Variants in UBA6 observed in about 807,000 individuals in gnomAD.
The protein encoded by UBA6 is ubiquitin-like modifier-activating enzyme 6.
In UBA6, 87 loss-of-function variants were observed where a neutral mutation model predicts 148.3. The observed-to-expected ratio is 0.59, with a 90% CI of 0.49 to 0.70. UBA6 has a LOEUF of 0.70. UBA6 is among the 30% of genes least tolerant of loss of function. The pLI is 0.00. For synonymous variants in UBA6, 376 were observed against 401.0 expected (o/e 0.94, Z 0.75); for missense variants, 1,186 against 1,241.2 (o/e 0.96, Z 0.67).
At chr4:67,645,531 A>C (rs931467740) in intron 16 of UBA6, among the ~76,000 whole-genome samples, 5 of 152,010 alleles carry the variant, frequency 3.3e-5, no homozygotes, top group African/African-American at 1.2e-4. Flanking sequence ...CCAGAGGCAG[A>C]GGTTGCAGTG....
At chr4:67,649,329 C>T in intron 13 of UBA6, 118 bp from the exon 14 acceptor site, 1 of 979,192 alleles carries the variant, frequency 1.0e-6, no homozygotes, top group South Asian at 2.1e-5. Flanking sequence ...TTCAGTTCCC[C>T]TACTAAATAT....
chr4:67,696,741 AT>A lies in UBA6; in HGVS notation c.72-35del, dbSNP rs753689760. 3.3e-6 allele frequency: 5 copies of A among 1,530,024 alleles called. No individual in the cohort carries two copies. The South Asian group carries it at 5.8e-5, about 18-fold the overall frequency. The allele number at this position is 1,530,024 out of a possible 1,614,324, so 94.8% of individuals were successfully genotyped here. A position where few individuals can be genotyped will look rare whatever the true frequency, so the allele number is the denominator to read the frequency against. On this transcript the variant is annotated intron_variant, in intron 1 of 32. Transcript: ENST00000322244. The stretch of plus-strand genomic sequence containing the variant: ...AAAAACATGGTTATTAAATATTCAC[AT>A]TTTATAATGTAATATTTGATTACTT...
Position 67,616,014 on chromosome 4 carries a change from T to A in UBA6, c.*2983A>T, listed in dbSNP as rs1422332914. On this transcript the variant is annotated 3_prime_UTR_variant, in exon 33 of 33. Coordinates refer to ENST00000322244, the MANE Select transcript of UBA6 (RefSeq NM_018227.6). ...CTTTAAAATTATTCCTTGAACTGCA[T>A]ATTTATATTTTATGTATTTTTGAAT... 2.6e-6 allele frequency: 1 copy of A among 381,660 alleles called. No homozygotes were observed. Among genetic ancestry groups the A allele is most frequent in the East Asian group, 3.7e-5 (1 of 27,364 alleles). The allele number at this position is 381,660 out of a possible 1,614,324, so 23.6% of individuals were successfully genotyped here.
In UBA6 at chr4:67,616,813, T is replaced by A. The variant is rs1728636714; in HGVS notation, c.*2184A>T. On this transcript the variant is annotated 3_prime_UTR_variant, in exon 33 of 33. Transcript: ENST00000322244. ...ATGATTTACAAAGATATTCTTACAT[T>A]TCTTAATTTATTTTTAATAAGTAAA... is the stretch of plus-strand genomic sequence containing the variant. 1 of 152,146 alleles carries A rather than the reference T, an allele frequency of 6.6e-6. No homozygotes were observed. The highest frequency in any genetic ancestry group is 2.1e-4 in the South Asian group (1 of 4,832). The allele number at this position is 152,146 out of a possible 1,614,324, so 9.4% of individuals were successfully genotyped here. A position where few individuals can be genotyped will look rare whatever the true frequency, so the allele number is the denominator to read the frequency against.
chr4:67,650,179 GATA>G (rs1239891579), intron 13 of UBA6, among the ~76,000 whole-genome samples: 1 of 152,148 alleles, frequency 6.6e-6, no homozygotes, highest in African/African-American at 2.4e-5. Flanking sequence ...TGATGAGAAT[GATA>G]ATAACAGTAT....
chr4:67,620,763 C>T (rs1728733319), intron 32 of UBA6, among the ~76,000 whole-genome samples: 1 of 152,126 alleles, frequency 6.6e-6, no homozygotes, highest in Non-Finnish European at 1.5e-5. Context: ...CACTATTAGC[C>T]CTTACTATTA....
In UBA6 at chr4:67,668,640, T is replaced by C. The variant is rs1347123525; in HGVS notation, c.704A>G (p.His235Arg). 2 of 1,613,308 alleles carry C rather than the reference T, an allele frequency of 1.2e-6. No homozygotes were observed. The highest frequency in any genetic ancestry group is 4.5e-5 in the East Asian group (2 of 44,810). ...NPGIVTCLENHPHKLETGQFL... is the reference protein window; with the variant it reads ...NPGIVTCLENRPHKLETGQFL... Reference sequence around the variant, plus strand: ...TTGTCCTGTCTCCAGTTTGTGAGGATGATTTTCAAGGCAAGTAACAATGCC... The same window carrying C: ...TTGTCCTGTCTCCAGTTTGTGAGGACGATTTTCAAGGCAAGTAACAATGCC... The change falls in exon 9 of 33, where the codon CAT becomes CGT. Residue 235 changes from histidine to arginine, a missense_variant. His to Arg is a conservative substitution (Grantham distance 29, BLOSUM62 0). Transcript: ENST00000322244.
chr4:67,676,362 A>G (rs1297034515), intron 6 of UBA6, among the ~76,000 whole-genome samples: 1 of 152,134 alleles, frequency 6.6e-6, no homozygotes, highest in East Asian at 1.9e-4. Context: ...CAGTTTAGGA[A>G]TTTCCAGATC....
At chr4:67,622,774 T>C in intron 32 of UBA6, 57 bp downstream of exon 32, 1 of 1,209,810 alleles carries the variant, frequency 8.3e-7, no homozygotes, top group South Asian at 1.3e-5. Context: ...TTTTTTAGTG[T>C]GCATCAACTT....
intron 26 of UBA6, among the ~76,000 whole-genome samples, chr4:67,629,446 T>TTGA: frequency 1.3e-5 from 2 of 151,994 alleles, no homozygotes. Flanking sequence ...ACTGAGTGAC[T>TTGA]TGATCAGTCA....
rs139969163 is a variant in UBA6 at position 67,686,640 on chromosome 4, T to C, written c.135-4427A>G. The stretch of plus-strand genomic sequence containing the variant: ...AGTTGGAGTGAGAAGAAAAGAATTA[T>C]AAACGGGCATAAATAAAATGTTTGG... On this transcript the variant is annotated intron_variant, in intron 2 of 32. Transcript: ENST00000322244. 7.5e-3 allele frequency among the ~76,000 whole-genome samples: 1,146 copies of C among 152,106 alleles called. 9 individuals carry two copies. The highest frequency in any genetic ancestry group is 0.013 in the Non-Finnish European group (882 of 67,980).
At chr4:67,623,996 G>T in intron 30 of UBA6, 130 bp downstream of exon 30, 1 of 711,056 alleles carries the variant, frequency 1.4e-6, no homozygotes, top group Non-Finnish European at 2.1e-6. Context: ...AGCTGATCTT[G>T]AAGTGATGGC....
At chr4:67,674,873 T>G (rs947334453) in intron 6 of UBA6, among the ~76,000 whole-genome samples, 23 of 147,120 alleles carry the variant, frequency 1.6e-4, no homozygotes, top group Non-Finnish European at 3.2e-4. Context: ...CTGTTTTGGG[T>G]TTTTTTTTTG....
At chr4:67,679,672 G>A (rs570927070) in intron 4 of UBA6, among the ~76,000 whole-genome samples, 65 of 152,044 alleles carry the variant, frequency 4.3e-4, no homozygotes, top group East Asian at 1.5e-3. Context: ...GATAAAGCAC[G>A]TAATGGATCA....
intron 2 of UBA6, among the ~76,000 whole-genome samples, chr4:67,685,502 A>AT (rs781708117): frequency 1.4e-4 from 21 of 152,124 alleles, no homozygotes; most frequent in East Asian, 1.2e-3. Context: ...ACAAGTTCAG[A>AT]TTTTTTTTAC....
At chr4:67,670,630 T>C (rs1730123294) in intron 7 of UBA6, 38 bp from the exon 8 acceptor site, 1 of 1,534,320 alleles carries the variant, frequency 6.5e-7, no homozygotes, top group Non-Finnish European at 8.9e-7. Flanking sequence ...CTTATTTATA[T>C]AAAGAAAAAA....
chr4:67,648,932 G>T, intron 14 of UBA6, 136 bp downstream of exon 14: 1 of 837,458 alleles, frequency 1.2e-6, no homozygotes, highest in East Asian at 2.8e-5. Flanking sequence ...AGTGTTGGAG[G>T]CATACTGCTT....
chr4:67,613,516 T>A lies in UBA6; in HGVS notation c.*5481A>T, dbSNP rs887580071. On this transcript the variant is annotated 3_prime_UTR_variant, in exon 33 of 33. Transcript: ENST00000322244. Reference sequence around the variant, plus strand: ...ATTTACATGCTTTCAATTAGAAATATGAGAACTGAAAATACAAGGGGCTGA... The same window carrying A: ...ATTTACATGCTTTCAATTAGAAATAAGAGAACTGAAAATACAAGGGGCTGA... The A allele has an allele frequency of 6.6e-6, 1 of 152,092 alleles. No homozygotes were observed. Among genetic ancestry groups the A allele is most frequent in the African/African-American group, 2.4e-5 (1 of 41,414 alleles). 9.4% of individuals were successfully genotyped at this position (152,092 alleles called of 1,614,324 possible). A position where few individuals can be genotyped will look rare whatever the true frequency, so the allele number is the denominator to read the frequency against.
chr4:67,694,638 C>T (rs1270716088), intron 2 of UBA6, among the ~76,000 whole-genome samples: 1 of 152,088 alleles, frequency 6.6e-6, no homozygotes, highest in Non-Finnish European at 1.5e-5. Context: ...ACCTCGTGAT[C>T]CACCCGCCTC....
Sources: allele counts gnomAD v4.1 joint callset (sites outside exome capture counted in the v4.1 genomes callset), GRCh38; gene constraint gnomAD v4.1.1; transcripts MANE v1.5; gene names NCBI Gene and HGNC (gene_info 2026-07-23, HGNC 2026-07-21).